NELL1: variants seen among roughly 807,000 people sequenced by gnomAD.
The protein encoded by NELL1 is protein kinase C-binding protein NELL1.
Under a neutral mutation model 107.4 loss-of-function variants are expected in NELL1, and 76 were observed. The ratio of observed to expected loss-of-function variants is 0.71; its 90% confidence interval spans 0.59 to 0.86. The LOEUF is 0.86. Ranked by LOEUF, NELL1 falls within the 40% of genes least tolerant of loss-of-function variation. The pLI is 0.00. For synonymous variants in NELL1, 353 were observed against 341.2 expected, an observed-to-expected ratio of 1.03 and a Z score of -0.38; for missense variants, 1,024 against 1,005.5, an observed-to-expected ratio of 1.02 and a Z score of -0.25.
At chr11:21,006,018 A>G (rs2134279918) in intron 12 of NELL1, among the ~76,000 whole-genome samples, 1 of 151,722 alleles carries the variant, frequency 6.6e-6, no homozygotes, top group South Asian at 2.1e-4. Context: ...AATAGATATA[A>G]TTGATAATTT....
chr11:21,275,774 A>T (rs1848842759), intron 14 of NELL1, among the ~76,000 whole-genome samples: 1 of 152,244 alleles, frequency 6.6e-6, no homozygotes, highest in Non-Finnish European at 1.5e-5. Context: ...GTAATCCAGC[A>T]TATAAACAGA....
In NELL1 at chr11:20,812,680, T is replaced by A. The variant is rs1857524647; in HGVS notation, c.335+28850T>A. On this transcript the variant is annotated intron_variant, in intron 3 of 19. Transcript: ENST00000357134. ...GAGGAGGTCAGTTCAGAAATCATGG[T>A]TTGGATTAGGTACTCTTCAAATTGT... 2.0e-5 allele frequency among the ~76,000 whole-genome samples: 3 copies of A among 152,076 alleles called. No individual in the cohort carries two copies. In the East Asian group the frequency reaches 5.8e-4, roughly 29 times the overall value.
intron 12 of NELL1, among the ~76,000 whole-genome samples, chr11:21,023,905 A>T (rs1005263855): frequency 3.9e-5 from 6 of 152,072 alleles, no homozygotes; most frequent in African/African-American, 9.7e-5. Flanking sequence ...TTTTACATAT[A>T]TTAATAATCA....
At chr11:21,428,499 A>AT (rs1326911927) in intron 15 of NELL1, among the ~76,000 whole-genome samples, 1 of 152,184 alleles carries the variant, frequency 6.6e-6, no homozygotes, top group Non-Finnish European at 1.5e-5. Context: ...TTCCGGGGAT[A>AT]TTCATTTCTT....
intron 14 of NELL1, among the ~76,000 whole-genome samples, chr11:21,247,640 G>A (rs551037889): frequency 1.4e-4 from 22 of 152,260 alleles, no homozygotes; most frequent in Admixed American, 2.6e-4. Flanking sequence ...GGGGTATTTT[G>A]TGGTTAACTT....
chr11:21,369,484 G>A (rs1417332337), intron 14 of NELL1, among the ~76,000 whole-genome samples: 1 of 149,488 alleles, frequency 6.7e-6, no homozygotes, highest in Non-Finnish European at 1.5e-5. Context: ...GAAATTAATT[G>A]CTGAAGCTAT....
At chr11:20,872,802 A>G (rs1291359132) in intron 4 of NELL1, among the ~76,000 whole-genome samples, 2 of 151,168 alleles carry the variant, frequency 1.3e-5, no homozygotes, top group Admixed American at 6.6e-5. Context: ...TATATTTTGT[A>G]TGGGTTGTTT....
At chr11:21,382,416 C>T (rs1039573048) in intron 15 of NELL1, among the ~76,000 whole-genome samples, 3 of 151,886 alleles carry the variant, frequency 2.0e-5, no homozygotes, top group African/African-American at 7.2e-5. Flanking sequence ...TGTTACATTA[C>T]ATTTGAATTC....
chr11:21,395,449 C>G (rs1010021310), intron 15 of NELL1, among the ~76,000 whole-genome samples: 9 of 151,544 alleles, frequency 5.9e-5, no homozygotes, highest in South Asian at 2.1e-4. Flanking sequence ...TTTCTTCTAA[C>G]TTTTACATCT....
At chr11:21,163,914 A>G (rs1856426717) in intron 13 of NELL1, among the ~76,000 whole-genome samples, 1 of 152,130 alleles carries the variant, frequency 6.6e-6, no homozygotes, top group Admixed American at 6.5e-5. Flanking sequence ...GGGGGTGGGT[A>G]AAGATGCAGT....
At chr11:21,072,104 T>C (rs78644572) in intron 12 of NELL1, among the ~76,000 whole-genome samples, 3,535 of 152,258 alleles carry the variant, frequency 0.023, 122 homozygotes, top group African/African-American at 0.079. Context: ...CTAAGATATA[T>C]TTATCAAGAC....
chr11:20,933,673 G>A (rs1850663335), intron 9 of NELL1, among the ~76,000 whole-genome samples: 1 of 152,022 alleles, frequency 6.6e-6, no homozygotes, highest in Non-Finnish European at 1.5e-5. Flanking sequence ...GTGTGTGCAG[G>A]GTACAAATAC....
rs549298886 is a variant in NELL1 at position 21,292,297 on chromosome 11, G to A, written c.1549+62843G>A. Among the ~76,000 whole-genome samples the A allele has an allele frequency of 7.9e-5, 12 of 152,262 alleles. No homozygotes were observed. In the East Asian group the frequency reaches 2.1e-3, roughly 27 times the overall value. ...ACTATACACCAGTAATAGACAAACA[G>A]TGCAAAATCATGAGTCAACTCCTAT... On this transcript the variant is annotated intron_variant, in intron 14 of 19. Coordinates refer to ENST00000357134, the MANE Select transcript of NELL1 (RefSeq NM_006157.5).
intron 18 of NELL1, among the ~76,000 whole-genome samples, chr11:21,571,286 T>C (rs1228792959): frequency 6.6e-6 from 1 of 151,840 alleles, no homozygotes; most frequent in Admixed American, 6.6e-5. Flanking sequence ...CTCATTTCTG[T>C]GCCATAACCC....
chr11:21,276,088 T>C (rs1408170773), intron 14 of NELL1, among the ~76,000 whole-genome samples: 2 of 152,088 alleles, frequency 1.3e-5, no homozygotes, highest in African/African-American at 4.8e-5. Flanking sequence ...GGGTATTCAA[T>C]TAGGAAAAGA....
chr11:21,327,904 G>C (rs930295668), intron 14 of NELL1, among the ~76,000 whole-genome samples: 1 of 152,120 alleles, frequency 6.6e-6, no homozygotes, highest in African/African-American at 2.4e-5. Context: ...TTTGAACTCG[G>C]GAGAGATGAT....
chr11:20,982,077 G>C (rs1050744083), intron 12 of NELL1, among the ~76,000 whole-genome samples: 5 of 151,986 alleles, frequency 3.3e-5, no homozygotes, highest in African/African-American at 1.2e-4. Context: ...TCTTAACTAA[G>C]TAATCCCAGT....
chr11:21,407,527 C>T (rs1852264992), intron 15 of NELL1, among the ~76,000 whole-genome samples: 1 of 151,926 alleles, frequency 6.6e-6, no homozygotes. Flanking sequence ...AACACAACTC[C>T]TTCAAATTTA....
chr11:20,671,544 A>AAGAAC (rs1167367043), intron 1 of NELL1, among the ~76,000 whole-genome samples: 8 of 152,240 alleles, frequency 5.3e-5, no homozygotes, highest in Non-Finnish European at 8.8e-5. Context: ...AGGGGTCTTT[A>AAGAAC]AGAACAGGTA....
Sources: gnomAD v4.1 joint callset for allele counts (sites outside exome capture counted in the v4.1 genomes callset) on GRCh38, gnomAD v4.1.1 for gene constraint, MANE v1.5 for transcripts, NCBI Gene and HGNC (gene_info 2026-07-23, HGNC 2026-07-21) for gene names.